The following EXD3 variants were observed in gnomAD, a reference collection of about 807,000 sequenced individuals.
The protein encoded by EXD3 is exonuclease 3'-5' domain containing 3, also known as exonuclease mut-7 homolog.
Under a neutral mutation model 98.0 loss-of-function variants are expected in EXD3, and 92 were observed. The ratio of observed to expected loss-of-function variants is 0.94; its 90% CI spans 0.79 to 1.12. The LOEUF (loss-of-function observed/expected upper bound fraction) is 1.12. Among genes scored for constraint, EXD3 ranks in the 50% most tolerant of loss-of-function variants. EXD3 has a pLI of 0.00. For missense variants in EXD3, 1,222 were observed against 1,191.6 expected, an observed-to-expected ratio of 1.03 and a Z score of -0.38; for synonymous variants, 569 against 526.0, an observed-to-expected ratio of 1.08 and a Z score of -1.12.
At chr9:137,409,701 C>T (rs778999964) in intron 1 of EXD3, among the ~76,000 whole-genome samples, 2 of 152,214 alleles carry the variant, frequency 1.3e-5, no homozygotes, top group Non-Finnish European at 2.9e-5. Flanking sequence ...ATTCAGTTCA[C>T]ATTCCCTCGC....
At chr9:137,356,417 AT>A in intron 7 of EXD3, 49 bp from the exon 8 acceptor site, 1 of 1,198,170 alleles carries the variant, frequency 8.3e-7, no homozygotes, top group Non-Finnish European at 1.2e-6. Flanking sequence ...AAGTTAATAC[AT>A]TTTAAGATTT....
intron 1 of EXD3, among the ~76,000 whole-genome samples, chr9:137,419,970 T>C (rs1390985222): frequency 3.9e-5 from 6 of 151,950 alleles, no homozygotes; most frequent in Non-Finnish European, 4.4e-5. Flanking sequence ...CCATCCTGGC[T>C]AATACGGTGA....
intron 1 of EXD3, among the ~76,000 whole-genome samples, chr9:137,406,539 CT>C (rs1837722588): frequency 6.6e-6 from 1 of 152,214 alleles, no homozygotes; most frequent in Non-Finnish European, 1.5e-5. Flanking sequence ...ACTCCTGCCC[CT>C]GGCGTGCCCC....
chr9:137,372,172 C>T (rs147966419), intron 5 of EXD3, among the ~76,000 whole-genome samples: 30 of 152,342 alleles, frequency 2.0e-4, no homozygotes, highest in Non-Finnish European at 2.6e-4. Context: ...AGACCTGGCC[C>T]GGGACCGAAA....
chr9:137,316,093 C>T (rs1048344045), intron 19 of EXD3, among the ~76,000 whole-genome samples: 1 of 151,780 alleles, frequency 6.6e-6, no homozygotes, highest in Non-Finnish European at 1.5e-5. Flanking sequence ...CCCGGCCCCC[C>T]CCAGCCTCGG....
At chr9:137,307,952 G>A (rs772997245) in intron 20 of EXD3, among the ~76,000 whole-genome samples, 11 of 151,912 alleles carry the variant, frequency 7.2e-5, no homozygotes, top group Non-Finnish European at 1.3e-4. Flanking sequence ...ACCGGCGGGC[G>A]GGGGCGGGGG....
intron 17 of EXD3, among the ~76,000 whole-genome samples, chr9:137,328,407 G>C (rs1230081718): frequency 6.6e-6 from 1 of 151,826 alleles, no homozygotes; most frequent in African/African-American, 2.4e-5. Flanking sequence ...ACACTCATAT[G>C]ATGAGTAAAA....
Position 137,403,309 on chromosome 9 carries a change from G to A in EXD3, c.-47-7905C>T, listed in dbSNP as rs968733069. ...TGCAGACCCGAACGCGTCTCCTCCC[G>A]GCTGGTCTGTCCAGGAAAAAGCCCT... On this transcript the variant is annotated intron_variant, in intron 1 of 21. Transcript: ENST00000340951. This position sits in a 1 kb window ranked among gnomAD's most constrained non-coding sequence, Gnocchi z 6.1. 4.6e-5 allele frequency among the ~76,000 whole-genome samples: 7 copies of A among 151,914 alleles called. No homozygotes were observed. In the East Asian group the frequency reaches 5.8e-4, roughly 13 times the overall value.
chr9:137,383,165 G>GTC, intron 3 of EXD3, 148 bp downstream of exon 3: 1 of 645,902 alleles, frequency 1.5e-6, no homozygotes, highest in Non-Finnish European at 2.7e-6. Flanking sequence ...CCTGGAGGCG[G>GTC]TCTGGGGCAG....
At chr9:137,411,098 A>C (rs1837973971) in intron 1 of EXD3, among the ~76,000 whole-genome samples, 2 of 152,224 alleles carry the variant, frequency 1.3e-5, no homozygotes, top group South Asian at 4.2e-4. Flanking sequence ...GGGCCCCTGG[A>C]CCACCGCAGA....
At chr9:137,329,169 ACACGGGAG>A (rs1184588753) in intron 17 of EXD3, among the ~76,000 whole-genome samples, 1 of 15,494 alleles carries the variant, frequency 6.5e-5, no homozygotes, top group Non-Finnish European at 9.9e-5. Context: ...ACACGGGGCT[ACACGGGAG>A]CTACACGGGA....
intron 1 of EXD3, among the ~76,000 whole-genome samples, chr9:137,421,332 A>G (rs1272149886): frequency 6.6e-6 from 1 of 152,252 alleles, no homozygotes; most frequent in African/African-American, 2.4e-5. Context: ...ACTTTAGGCA[A>G]ATAATCAGGC....
intron 8 of EXD3, among the ~76,000 whole-genome samples, chr9:137,354,998 C>A (rs192868976): frequency 6.6e-6 from 1 of 152,088 alleles, no homozygotes; most frequent in Non-Finnish European, 1.5e-5. Flanking sequence ...ACTTGTGTGG[C>A]GGGCCCTTTC....
chr9:137,410,351 G>C (rs1219170323), intron 1 of EXD3, among the ~76,000 whole-genome samples: 6 of 151,934 alleles, frequency 3.9e-5, no homozygotes, highest in Non-Finnish European at 5.9e-5. Flanking sequence ...CAGGCGCGGT[G>C]GTGGGTGCCT....
intron 21 of EXD3, 69 bp from the exon 22 acceptor site, chr9:137,307,332 T>C: frequency 7.0e-7 from 1 of 1,437,038 alleles, no homozygotes. Flanking sequence ...GCTCCCAGAG[T>C]GGTGCAGTTG....
At chr9:137,312,125 C>T (rs532202149) in intron 19 of EXD3, among the ~76,000 whole-genome samples, 83 of 152,312 alleles carry the variant, frequency 5.4e-4, no homozygotes, top group African/African-American at 1.8e-3. Context: ...TCCAGGGTGC[C>T]GTCGGGTCTG....
chr9:137,306,905 G>A lies in EXD3; in HGVS notation c.*45C>T. On this transcript the variant is annotated 3_prime_UTR_variant, in exon 22 of 22. Coordinates refer to ENST00000340951, the MANE Select transcript of EXD3 (RefSeq NM_017820.5). ...AACATGTGAGCCAGTCCACGGCCAT[G>A]GGCCCAGCAGTCGGGCACTTTCCAT... 6.6e-7 allele frequency: 1 copy of A among 1,515,178 alleles called. No individual in the cohort carries two copies. Among genetic ancestry groups the A allele is most frequent in the Non-Finnish European group, 8.8e-7 (1 of 1,132,916 alleles). 93.9% of individuals were successfully genotyped at this position (1,515,178 alleles called of 1,614,324 possible).
At chr9:137,354,914 C>T (rs1834539824) in intron 8 of EXD3, 141 bp from the exon 9 acceptor site, 1 of 820,080 alleles carries the variant, frequency 1.2e-6, no homozygotes, top group Non-Finnish European at 1.9e-6. Context: ...CCACCCCCTC[C>T]TCACCACCTG....
chr9:137,347,951 C>T lies in EXD3; in HGVS notation c.1998+120G>A, dbSNP rs1329817079. 1 of 1,253,708 alleles carries T rather than the reference C, an allele frequency of 8.0e-7. No homozygotes were observed. Among genetic ancestry groups the T allele is most frequent in the East Asian group, 2.6e-5 (1 of 39,024 alleles). The allele number at this position is 1,253,708 out of a possible 1,614,324, so 77.7% of individuals were successfully genotyped here. ...ACCCCGTCCTGTTCCCAGAGCCTGC[C>T]TGGCACAGCTGGCAGCCATGGATGA... On this transcript the variant is annotated intron_variant, in intron 17 of 21. Transcript: ENST00000340951. The surrounding 1 kb of genome is among the most constrained non-coding windows in gnomAD (Gnocchi z 4.2).
Sources: gnomAD v4.1 joint callset for allele counts (sites outside exome capture counted in the v4.1 genomes callset) on GRCh38, gnomAD v4.1.1 for gene constraint, Gnocchi (gnomAD v3.1) non-coding constraint, MANE v1.5 for transcripts, NCBI Gene and HGNC (gene_info 2026-07-23, HGNC 2026-07-21) for gene names.